The following GRM7 variants were observed in gnomAD, a reference collection of about 807,000 sequenced individuals.
GRM7 encodes the protein glutamate metabotropic receptor 7.
Under a neutral mutation model 84.5 loss-of-function variants are expected in GRM7, and 35 were observed. That is an observed-to-expected ratio of 0.41 (90% CI 0.32 to 0.55). The LOEUF (loss-of-function observed/expected upper bound fraction) is 0.55, where lower values mean the gene tolerates loss of function less well. GRM7 is among the 20% of genes least tolerant of loss of function. The pLI, the probability that GRM7 is intolerant of heterozygous loss-of-function variation, is 0.19. For synonymous variants in GRM7, 487 were observed against 455.1 expected, an observed-to-expected ratio of 1.07 and a Z score of -0.89; for missense variants, 1,003 against 1,194.6, an observed-to-expected ratio of 0.84 and a Z score of 2.36.
intron 9 of GRM7, among the ~76,000 whole-genome samples, chr3:7,726,628 TATATA>T: frequency 1.9e-5 from 1 of 52,614 alleles, no homozygotes; most frequent in African/African-American, 7.6e-5. Context: ...TATATATATA[TATATA>T]TATATATATA....
At chr3:7,105,571 G>A (rs1699264543) in intron 1 of GRM7, among the ~76,000 whole-genome samples, 1 of 151,854 alleles carries the variant, frequency 6.6e-6, no homozygotes. Flanking sequence ...GACTAATATT[G>A]TATAAACTAT....
chr3:7,733,310 G>A (rs940190332), intron 9 of GRM7, among the ~76,000 whole-genome samples: 1 of 152,162 alleles, frequency 6.6e-6, no homozygotes, highest in Non-Finnish European at 1.5e-5. Flanking sequence ...TAAGCGAAAG[G>A]AAAGCTCTCA....
chr3:7,710,484 C>T (rs1471724329), intron 9 of GRM7, among the ~76,000 whole-genome samples: 1 of 124,522 alleles, frequency 8.0e-6, no homozygotes, highest in African/African-American at 3.0e-5. Context: ...ATTCCTGGAA[C>T]CTTGCCAGAT....
chr3:7,290,945 C>G (rs1255901383), intron 2 of GRM7, among the ~76,000 whole-genome samples: 1 of 152,038 alleles, frequency 6.6e-6, no homozygotes, highest in Non-Finnish European at 1.5e-5. Context: ...TCACCAAAAT[C>G]TTTGTCCACC....
At chr3:7,399,595 G>A (rs542828156) in intron 4 of GRM7, among the ~76,000 whole-genome samples, 1 of 152,188 alleles carries the variant, frequency 6.6e-6, no homozygotes, top group Non-Finnish European at 1.5e-5. Context: ...TTGATCCTCA[G>A]TGTCGGAGAT....
rs373498909 is a variant in GRM7, at chr3:7,262,758, C to T, written c.737-35926C>T. On this transcript the variant is annotated intron_variant, in intron 2 of 9. Transcript: ENST00000357716. ...GTCACACCAGGCTGGAGTGCAGTGG[C>T]ACAGTCTTGGCTCACTGCAACCTCC... Among the ~76,000 whole-genome samples, 88 of 152,238 alleles carry T rather than the reference C, an allele frequency of 5.8e-4. 5 individuals are homozygous for T. In the South Asian group the frequency reaches 0.014, roughly 24 times the overall value.
chr3:7,181,848 C>G (rs570844662), intron 2 of GRM7, among the ~76,000 whole-genome samples: 23 of 152,084 alleles, frequency 1.5e-4, no homozygotes, highest in Admixed American at 2.6e-4. Flanking sequence ...TGAGCTCAAG[C>G]GATCCTCCCT....
chr3:7,146,749 A>G, intron 2 of GRM7, 81 bp downstream of exon 2: 1 of 921,712 alleles, frequency 1.1e-6, no homozygotes, highest in Non-Finnish European at 1.7e-6. Flanking sequence ...TTCATTAAAT[A>G]AACACTACAG....
chr3:7,656,482 C>A (rs1699184196), intron 8 of GRM7, among the ~76,000 whole-genome samples: 1 of 147,282 alleles, frequency 6.8e-6, no homozygotes, highest in African/African-American at 2.5e-5. Context: ...GGCGACAGAG[C>A]AAGACTCTGT....
chr3:7,146,468 A>C lies in GRM7; in HGVS notation c.536A>C (p.Tyr179Ser). 6.2e-7 allele frequency: 1 copy of C among 1,613,120 alleles called. No homozygotes were observed. The highest frequency in any genetic ancestry group is 8.5e-7 in the Non-Finnish European group (1 of 1,179,592). ...TCTTTGCAGATCCCCCAGATTAGTT[A>C]TGCATCAACGGCACCCGAGCTAAGT... ...LRLFQIPQIS[Y>S]ASTAPELSDD... Residue 179 changes from tyrosine to serine, a missense_variant, in exon 2 of 10, where the codon TAT becomes TCT. Coordinates refer to ENST00000357716, the MANE Select transcript of GRM7 (RefSeq NM_000844.4).
rs566917543 is a variant in GRM7, at chr3:7,641,086, A to G, written c.2452-38963A>G. On this transcript the variant is annotated intron_variant, in intron 8 of 9. Coordinates refer to ENST00000357716, the MANE Select transcript of GRM7 (RefSeq NM_000844.4). ...TCTAAACTGAATAAATTAATCATTA[A>G]CCAATTTAGTTAGTGAAAGGAAAAA... Among the ~76,000 whole-genome samples, 3 of 152,308 alleles carry G rather than the reference A, an allele frequency of 2.0e-5. No homozygotes were observed. In the South Asian group the frequency reaches 6.2e-4, roughly 32 times the overall value.
At position 7,620,990 on chromosome 3, in the gene GRM7, AG is replaced by A. The variant is rs1368815338; in HGVS notation, c.2451+41636del. ...AGGAGGGGGTGAATAATTAATTTCC[AG>A]GGTGTCGTAGTCTTAGCCCAACACA... is the stretch of plus-strand genomic sequence containing the variant. On this transcript the variant is annotated intron_variant, in intron 8 of 9. Coordinates refer to ENST00000357716, the MANE Select transcript of GRM7 (RefSeq NM_000844.4). Among the ~76,000 whole-genome samples the A allele has an allele frequency of 4.6e-5, 7 of 152,264 alleles. No homozygotes were observed. In the East Asian group the frequency reaches 1.4e-3, roughly 29 times the overall value.
chr3:7,476,758 G>A (rs149620168), intron 7 of GRM7, among the ~76,000 whole-genome samples: 81 of 152,106 alleles, frequency 5.3e-4, no homozygotes, highest in African/African-American at 1.9e-3. Context: ...ATACCTCTCT[G>A]CCCTTATTCT....
At chr3:7,466,298 T>C (rs115741712) in intron 7 of GRM7, among the ~76,000 whole-genome samples, 1 of 152,256 alleles carries the variant, frequency 6.6e-6, no homozygotes, top group Non-Finnish European at 1.5e-5. Context: ...ATTTTAGGGC[T>C]ACAGACAGGC....
At chr3:7,123,992 C>T (rs554809068) in intron 1 of GRM7, among the ~76,000 whole-genome samples, 24 of 152,220 alleles carry the variant, frequency 1.6e-4, no homozygotes, top group Admixed American at 5.2e-4. Flanking sequence ...GCCAGCCTGC[C>T]TTTATCTTGA....
chr3:7,310,169 T>C (rs1700341980), intron 4 of GRM7, among the ~76,000 whole-genome samples: 1 of 152,170 alleles, frequency 6.6e-6, no homozygotes, highest in Non-Finnish European at 1.5e-5. Context: ...CATAATTTCA[T>C]CTCTTCCATA....
At chr3:7,253,485 T>G (rs1315951400) in intron 2 of GRM7, among the ~76,000 whole-genome samples, 1 of 151,718 alleles carries the variant, frequency 6.6e-6, no homozygotes, top group East Asian at 1.9e-4. Context: ...GGCATGGTGG[T>G]GGGTGCCTGT....
At chr3:6,897,589 G>A (rs773624882) in intron 1 of GRM7, among the ~76,000 whole-genome samples, 49 of 152,136 alleles carry the variant, frequency 3.2e-4, no homozygotes, top group Non-Finnish European at 4.3e-4. Flanking sequence ...TCAGGAGAGT[G>A]CCTGAAACAC....
At chr3:7,087,398 T>A (rs1698496877) in intron 1 of GRM7, among the ~76,000 whole-genome samples, 1 of 152,030 alleles carries the variant, frequency 6.6e-6, no homozygotes, top group Admixed American at 6.6e-5. Context: ...TGCTCTTTTT[T>A]TTTTTTTTAC....
Sources: gnomAD v4.1 joint callset for allele counts (sites outside exome capture counted in the v4.1 genomes callset) on GRCh38, gnomAD v4.1.1 for gene constraint, MANE v1.5 for transcripts, NCBI Gene and HGNC (gene_info 2026-07-23, HGNC 2026-07-21) for gene names.